The following CIMAP1D variants were observed in gnomAD, a reference collection of about 807,000 sequenced individuals.
CIMAP1D encodes the protein CIMAP1 family member D.
At chr19:483,471 C>T in the CIMAP1D span, among the ~76,000 whole-genome samples, 1 of 152,194 alleles carries the variant, frequency 6.6e-6, no homozygotes, top group East Asian at 1.9e-4. Flanking sequence ...TGCAGGCTCA[C>T]CCTCGTTCCA....
chr19:468,176 G>C, the CIMAP1D span, among the ~76,000 whole-genome samples: 5 of 152,072 alleles, frequency 3.3e-5, no homozygotes, highest in Middle Eastern at 3.2e-3. Flanking sequence ...GACCAGCATG[G>C]GCAACACAGC....
the CIMAP1D span, among the ~76,000 whole-genome samples, chr19:477,369 T>C: frequency 6.6e-6 from 1 of 151,932 alleles, no homozygotes; most frequent in South Asian, 2.1e-4. Context: ...AGATCAGGAG[T>C]TCGAGACCAG....
the CIMAP1D span, among the ~76,000 whole-genome samples, chr19:471,014 G>A: frequency 6.6e-6 from 1 of 152,288 alleles, no homozygotes; most frequent in African/African-American, 2.4e-5. Flanking sequence ...CCTGTGAGAC[G>A]GGCCAGGCCC....
chr19:469,932 A>G, the CIMAP1D span, among the ~76,000 whole-genome samples: 1 of 151,366 alleles, frequency 6.6e-6, no homozygotes, highest in African/African-American at 2.4e-5. Context: ...AAATGAACAC[A>G]CCCCAGCTCA....
the CIMAP1D span, among the ~76,000 whole-genome samples, chr19:476,179 T>G: frequency 3.1e-3 from 477 of 151,764 alleles, 3 homozygotes; most frequent in African/African-American, 0.011. Flanking sequence ...TTTTGTATTT[T>G]TAGTAGCTAA....
the CIMAP1D span, among the ~76,000 whole-genome samples, chr19:487,801 C>T: frequency 6.6e-6 from 1 of 152,098 alleles, no homozygotes; most frequent in East Asian, 1.9e-4. Flanking sequence ...ATTTCTGCCT[C>T]CAAAGAAAGA....
chr19:481,153 G>C, the CIMAP1D span, among the ~76,000 whole-genome samples: 3 of 69,778 alleles, frequency 4.3e-5, no homozygotes, highest in Admixed American at 1.3e-4. Context: ...ATGATGGGAA[G>C]GATGATGGGA....
At chr19:481,488 G>GA in the CIMAP1D span, among the ~76,000 whole-genome samples, 257 of 82,730 alleles carry the variant, frequency 3.1e-3, 1 homozygote, top group African/African-American at 0.012. Flanking sequence ...AAGGATGATG[G>GA]GAAGGATGAT....
the CIMAP1D span, among the ~76,000 whole-genome samples, chr19:475,661 C>G: frequency 0.061 from 9,344 of 152,176 alleles, 760 homozygotes; most frequent in African/African-American, 0.19. Context: ...TTGATACATT[C>G]AAGGCGACCA....
At chr19:491,109 A>G in the CIMAP1D span, among the ~76,000 whole-genome samples, 1 of 151,120 alleles carries the variant, frequency 6.6e-6, no homozygotes, top group African/African-American at 2.4e-5. Context: ...AAAAAAAAAA[A>G]AGTCTACAAA....
the CIMAP1D span, among the ~76,000 whole-genome samples, chr19:466,688 G>A: frequency 1.4e-5 from 2 of 147,760 alleles, no homozygotes; most frequent in Non-Finnish European, 3.0e-5. Flanking sequence ...GTGGATGGAC[G>A]GGTGGATAGA....
At chr19:472,888 AG>A in the CIMAP1D span, among the ~76,000 whole-genome samples, 6 of 139,180 alleles carry the variant, frequency 4.3e-5, no homozygotes, top group African/African-American at 1.6e-4. Flanking sequence ...ACTGAGGCCC[AG>A]GCAGAGATAC....
the CIMAP1D span, among the ~76,000 whole-genome samples, chr19:478,142 G>C: frequency 2.6e-5 from 4 of 152,232 alleles, no homozygotes; most frequent in Non-Finnish European, 5.9e-5. Flanking sequence ...GCCGAGGAGG[G>C]AGAGAGGAGG....
the CIMAP1D span, chr19:464,270 G>A: frequency 5.2e-6 from 8 of 1,537,444 alleles, no homozygotes; most frequent in Non-Finnish European, 7.0e-6. Flanking sequence ...TCAGGGGGAG[G>A]CGGCAGCCCA....
the CIMAP1D span, chr19:490,223 G>A: frequency 3.2e-6 from 1 of 309,194 alleles, no homozygotes; most frequent in African/African-American, 2.2e-5. Flanking sequence ...GGGCGTGGTG[G>A]CGCATGCCTG....
At chr19:468,804 CGCCCTCCCCTG>C in the CIMAP1D span, among the ~76,000 whole-genome samples, 1 of 133,934 alleles carries the variant, frequency 7.5e-6, no homozygotes, top group Non-Finnish European at 1.7e-5. Flanking sequence ...TCCACACCTT[CGCCCTCCCCTG>C]AGGAGTCCGT....
chr19:483,225 A>C, the CIMAP1D span, among the ~76,000 whole-genome samples: 1 of 148,918 alleles, frequency 6.7e-6, no homozygotes. Context: ...TCCACCTCAC[A>C]GCCACGGCCC....
chr19:485,249 C>T, the CIMAP1D span, among the ~76,000 whole-genome samples: 3 of 152,190 alleles, frequency 2.0e-5, no homozygotes, highest in Non-Finnish European at 2.9e-5. Flanking sequence ...TGGGTGCGCA[C>T]GATGAGGCAC....
At chr19:482,984 A>G in the CIMAP1D span, among the ~76,000 whole-genome samples, 63,952 of 151,988 alleles carry the variant, frequency 0.42, 15,214 homozygotes, top group African/African-American at 0.66. Context: ...TCCCTGATGA[A>G]TCACTGCACC....
Sources: gnomAD v4.1 joint callset for allele counts (sites outside exome capture counted in the v4.1 genomes callset) on GRCh38, gnomAD v4.1.1 for gene constraint, MANE v1.5 for transcripts, NCBI Gene and HGNC (gene_info 2026-07-23, HGNC 2026-07-21) for gene names.